GPC5: variants seen among roughly 807,000 people sequenced by gnomAD.
The protein encoded by GPC5 is glypican 5, also known as glypican-5.
In GPC5, 47 loss-of-function variants were observed where a neutral mutation model predicts 53.9. The observed-to-expected ratio is 0.87, with a 90% CI of 0.69 to 1.11. GPC5 has a LOEUF of 1.11. Among genes scored for constraint, GPC5 ranks in the 50% most tolerant of loss-of-function variants. The probability of loss-of-function intolerance (pLI) is 0.00; values close to 1 mark genes in which losing one functional copy is unlikely to be tolerated. For synonymous variants in GPC5, 286 were observed against 263.3 expected (o/e 1.09, Z -0.84); for missense variants, 748 against 713.1 (o/e 1.05, Z -0.56).
At chr13:92,043,998 A>G (rs570466322) in intron 6 of GPC5, among the ~76,000 whole-genome samples, 4 of 152,212 alleles carry the variant, frequency 2.6e-5, no homozygotes, top group Admixed American at 2.6e-4. Flanking sequence ...CTTCTTCTGG[A>G]ATAATTATCA....
intron 7 of GPC5, among the ~76,000 whole-genome samples, chr13:92,641,845 G>A (rs1885604083): frequency 6.6e-6 from 1 of 152,086 alleles, no homozygotes; most frequent in Non-Finnish European, 1.5e-5. Flanking sequence ...AAAGGGAGTG[G>A]TAGGCATGTG....
chr13:92,844,986 C>T (rs1316123399), intron 7 of GPC5, among the ~76,000 whole-genome samples: 2 of 152,124 alleles, frequency 1.3e-5, no homozygotes. Context: ...CATTTGGCTA[C>T]AGCTGGAGAC....
intron 3 of GPC5, among the ~76,000 whole-genome samples, chr13:91,703,292 TATA>T (rs1464786897): frequency 2.0e-5 from 3 of 152,108 alleles, no homozygotes; most frequent in Non-Finnish European, 4.4e-5. Flanking sequence ...CACTATTGAG[TATA>T]ATGTTAGCTG....
chr13:91,491,893 C>CA (rs1257165044), intron 2 of GPC5, among the ~76,000 whole-genome samples: 1 of 152,182 alleles, frequency 6.6e-6, no homozygotes, highest in Non-Finnish European at 1.5e-5. Flanking sequence ...CAAATAAAGT[C>CA]ACGCTCACAG....
chr13:92,430,777 T>C (rs1877049867), intron 7 of GPC5, among the ~76,000 whole-genome samples: 1 of 152,058 alleles, frequency 6.6e-6, no homozygotes, highest in African/African-American at 2.4e-5. Flanking sequence ...TGAGGGACAA[T>C]GGGAACCCAA....
intron 7 of GPC5, among the ~76,000 whole-genome samples, chr13:92,150,786 A>G (rs1467139685): frequency 6.6e-6 from 1 of 151,980 alleles, no homozygotes; most frequent in South Asian, 2.1e-4. Flanking sequence ...GTTCTGTAAT[A>G]TGTCATAACT....
intron 7 of GPC5, among the ~76,000 whole-genome samples, chr13:92,178,804 G>A (rs901670781): frequency 6.6e-6 from 1 of 151,858 alleles, no homozygotes; most frequent in African/African-American, 2.4e-5. Flanking sequence ...GTGAAACCCC[G>A]TCTCTACTAA....
chr13:91,552,552 T>C (rs1447252992), intron 2 of GPC5, among the ~76,000 whole-genome samples: 2 of 152,086 alleles, frequency 1.3e-5, no homozygotes, highest in Non-Finnish European at 2.9e-5. Flanking sequence ...TTTCTATAGA[T>C]ATTAAATTAA....
intron 5 of GPC5, among the ~76,000 whole-genome samples, chr13:91,865,644 C>G (rs186981401): frequency 6.6e-6 from 1 of 152,246 alleles, no homozygotes; most frequent in African/African-American, 2.4e-5. Flanking sequence ...TCCCATGACC[C>G]CATGGCAGAA....
intron 4 of GPC5, among the ~76,000 whole-genome samples, chr13:91,734,466 C>T (rs76181084): frequency 0.016 from 2,388 of 151,430 alleles, 43 homozygotes; most frequent in South Asian, 0.026. Context: ...TTCATTTGAC[C>T]TCTGTAAGCC....
At chr13:91,400,886 G>C (rs1264926152) in intron 1 of GPC5, among the ~76,000 whole-genome samples, 1 of 152,184 alleles carries the variant, frequency 6.6e-6, no homozygotes, top group African/African-American at 2.4e-5. Context: ...CTGTCCTAAG[G>C]AGAGGGAAAT....
chr13:91,771,850 TCAAATAAAATACAAGCACA>T, intron 5 of GPC5, among the ~76,000 whole-genome samples: 1 of 152,188 alleles, frequency 6.6e-6, no homozygotes, highest in Non-Finnish European at 1.5e-5. Flanking sequence ...CCAGTGCATT[TCAAATAAAATACAAGCACA>T]CATTGTCAAA....
At chr13:91,899,317 C>T (rs2039474114) in intron 5 of GPC5, among the ~76,000 whole-genome samples, 3 of 151,914 alleles carry the variant, frequency 2.0e-5, no homozygotes, top group Admixed American at 2.0e-4. Context: ...CTGATAATTT[C>T]CAAAGCTAAT....
intron 7 of GPC5, among the ~76,000 whole-genome samples, chr13:92,710,591 T>C (rs1888101161): frequency 6.6e-6 from 1 of 152,294 alleles, no homozygotes; most frequent in East Asian, 1.9e-4. Flanking sequence ...TGTTAAGCAA[T>C]TAGGGAAGGA....
chr13:91,668,285 G>T (rs1160044459), intron 2 of GPC5, among the ~76,000 whole-genome samples: 1 of 152,164 alleles, frequency 6.6e-6, no homozygotes, highest in Non-Finnish European at 1.5e-5. Flanking sequence ...TCAAATCCTT[G>T]CCTCTGGGAC....
intron 7 of GPC5, among the ~76,000 whole-genome samples, chr13:92,291,529 G>A (rs910210346): frequency 6.6e-6 from 1 of 152,116 alleles, no homozygotes; most frequent in Non-Finnish European, 1.5e-5. Flanking sequence ...GCACCAATCA[G>A]CACCCTGTCA....
chr13:92,559,560 A>T (rs1383602787), intron 7 of GPC5, among the ~76,000 whole-genome samples: 1 of 151,620 alleles, frequency 6.6e-6, no homozygotes, highest in East Asian at 2.0e-4. Context: ...TCTGGCTCTT[A>T]CACTCCAACA....
At chr13:91,409,752 G>C (rs1169879720) in intron 1 of GPC5, among the ~76,000 whole-genome samples, 2 of 151,958 alleles carry the variant, frequency 1.3e-5, no homozygotes, top group African/African-American at 4.8e-5. Context: ...GTGCAGGTTT[G>C]TTACTTGGGT....
At chr13:92,398,428 CAAA>C (rs35873316) in intron 7 of GPC5, among the ~76,000 whole-genome samples, 34,283 of 86,818 alleles carry the variant, frequency 0.39, 4,573 homozygotes, top group Non-Finnish European at 0.43. Context: ...GACTCCGTCT[CAAA>C]AAAAAAAAAA....
Sources: allele counts gnomAD v4.1 joint callset (sites outside exome capture counted in the v4.1 genomes callset), GRCh38; gene constraint gnomAD v4.1.1; transcripts MANE v1.5; gene names NCBI Gene and HGNC (gene_info 2026-07-23, HGNC 2026-07-21).